DIAPH2: variants seen among roughly 807,000 people sequenced by gnomAD.
The protein encoded by DIAPH2 is diaphanous related formin 2, also known as protein diaphanous homolog 2.
DIAPH2 carries 35 observed loss-of-function variants against 92.7 expected under a neutral mutation model. The ratio of observed to expected loss-of-function variants is 0.38; its 90% CI spans 0.29 to 0.50. DIAPH2 has a LOEUF of 0.50. Ranked by LOEUF, DIAPH2 falls within the 20% of genes least tolerant of loss-of-function variation. The probability of loss-of-function intolerance (pLI) is 0.94; values close to 1 mark genes in which losing one functional copy is unlikely to be tolerated. For missense variants in DIAPH2, 701 were observed against 819.5 expected, an observed-to-expected ratio of 0.86 and a Z score of 1.77; for synonymous variants, 301 against 280.4, an observed-to-expected ratio of 1.07 and a Z score of -0.73.
intron 23 of DIAPH2, among the ~76,000 whole-genome samples, chrX:97,308,965 C>T (rs1351624790): frequency 1.9e-5 from 2 of 105,860 alleles, no homozygotes; most frequent in Non-Finnish European, 3.9e-5. Flanking sequence ...TTGTAGTGAG[C>T]TGAGATCGTG....
At chrX:97,567,871 G>A (rs1371721821) in intron 26 of DIAPH2, among the ~76,000 whole-genome samples, 1 of 109,898 alleles carries the variant, frequency 9.1e-6, no homozygotes, top group Non-Finnish European at 1.9e-5. Context: ...AGAGTGGTTG[G>A]AGGGAGGCCG....
rs992273887 is a variant in DIAPH2, at chrX:97,447,225, C to T, written c.3241+17480C>T. On this transcript the variant is annotated intron_variant, in intron 26 of 26. Coordinates refer to ENST00000324765, the MANE Select transcript of DIAPH2 (RefSeq NM_006729.5). Reference sequence around the variant, plus strand: ...CTTTCCACTAAGCTGCTAAATCTTTCGCTGAGGAATTAAATGTAATGTTTC... The same window carrying T: ...CTTTCCACTAAGCTGCTAAATCTTTTGCTGAGGAATTAAATGTAATGTTTC... Among the ~76,000 whole-genome samples the T allele has an allele frequency of 2.7e-5, 3 of 109,119 alleles. No homozygotes were observed. The South Asian group carries it at 1.2e-3, about 43-fold the overall frequency. The allele number at this position is 109,119 out of a possible 115,157, so 94.8% of individuals were successfully genotyped here. A position where few individuals can be genotyped will look rare whatever the true frequency, so the allele number is the denominator to read the frequency against.
intron 22 of DIAPH2, among the ~76,000 whole-genome samples, chrX:97,185,473 A>ATGTGTGTG (rs2067590694): frequency 1.3e-4 from 2 of 15,206 alleles, no homozygotes; most frequent in Admixed American, 1.5e-3. Flanking sequence ...ATATATATAC[A>ATGTGTGTG]CATATATATA....
intron 4 of DIAPH2, among the ~76,000 whole-genome samples, chrX:96,839,291 T>C (rs1381006131): frequency 1.8e-5 from 2 of 111,094 alleles, no homozygotes; most frequent in African/African-American, 6.5e-5. Context: ...GCCTATACCA[T>C]TCCCCCCATT....
intron 17 of DIAPH2, among the ~76,000 whole-genome samples, chrX:97,064,901 G>T (rs184070023): frequency 9.0e-6 from 1 of 110,983 alleles, no homozygotes; most frequent in East Asian, 2.8e-4. Flanking sequence ...ATATTTCAGG[G>T]TGTTACTTTG....
chrX:96,925,804 C>G (rs1237829752), intron 9 of DIAPH2, among the ~76,000 whole-genome samples: 1 of 111,552 alleles, frequency 9.0e-6, no homozygotes, highest in East Asian at 2.8e-4. Flanking sequence ...TGTTTTTAGT[C>G]TAGTCATATT....
intron 1 of DIAPH2, among the ~76,000 whole-genome samples, chrX:96,727,907 A>G (rs142956729): frequency 0.2 from 21,110 of 107,979 alleles, 1,610 homozygotes; most frequent in East Asian, 0.32. Flanking sequence ...TTAGCCGGGC[A>G]TGATGGCGGG....
intron 22 of DIAPH2, among the ~76,000 whole-genome samples, chrX:97,185,401 A>ATATATG (rs2067582010): frequency 3.2e-5 from 2 of 62,440 alleles, no homozygotes; most frequent in Non-Finnish European, 5.2e-5. Flanking sequence ...ATGTGTATAT[A>ATATATG]TATATATATG....
intron 17 of DIAPH2, among the ~76,000 whole-genome samples, chrX:97,067,014 A>G (rs2066638301): frequency 9.0e-6 from 1 of 111,560 alleles, no homozygotes; most frequent in African/African-American, 3.3e-5. Flanking sequence ...AATGAAATCT[A>G]CCTTTCTGTG....
At chrX:96,827,444 A>C (rs1483712168) in intron 4 of DIAPH2, among the ~76,000 whole-genome samples, 2 of 111,699 alleles carry the variant, frequency 1.8e-5, no homozygotes, top group African/African-American at 6.5e-5. Context: ...TATAGCTATT[A>C]AACCATAGTC....
intron 4 of DIAPH2, among the ~76,000 whole-genome samples, chrX:96,806,619 C>CT (rs1392871211): frequency 2.6e-5 from 2 of 77,184 alleles, no homozygotes; most frequent in Non-Finnish European, 4.5e-5. Context: ...GCACTCCAGC[C>CT]TGGGCAACAG....
At chrX:96,888,201 C>T (rs1315313898) in intron 5 of DIAPH2, among the ~76,000 whole-genome samples, 3 of 109,493 alleles carry the variant, frequency 2.7e-5, no homozygotes, top group Non-Finnish European at 5.7e-5. Context: ...GCTGGGATTA[C>T]AGGTGCCCGC....
intron 22 of DIAPH2, among the ~76,000 whole-genome samples, chrX:97,216,584 G>A (rs754316188): frequency 9.0e-6 from 1 of 110,831 alleles, no homozygotes; most frequent in African/African-American, 3.3e-5. Flanking sequence ...GAGATTACAG[G>A]CATGAGCCAC....
intron 24 of DIAPH2, among the ~76,000 whole-genome samples, chrX:97,355,231 T>G (rs927956697): frequency 9.0e-6 from 1 of 111,553 alleles, no homozygotes; most frequent in African/African-American, 3.3e-5. Context: ...CTGCATTTAG[T>G]TAGGCTTGAA....
intron 23 of DIAPH2, among the ~76,000 whole-genome samples, chrX:97,278,194 A>G (rs1325960204): frequency 3.6e-5 from 4 of 112,362 alleles, no homozygotes; most frequent in Non-Finnish European, 7.5e-5. Context: ...TTTAATTTTT[A>G]GAGAAGTTTT....
chrX:97,324,472 A>G (rs1346635024), intron 23 of DIAPH2, among the ~76,000 whole-genome samples: 2 of 112,448 alleles, frequency 1.8e-5, no homozygotes, highest in Admixed American at 1.9e-4. Flanking sequence ...GTACATTTTT[A>G]AAATCTATCT....
At chrX:97,312,325 C>T (rs1250465917) in intron 23 of DIAPH2, among the ~76,000 whole-genome samples, 2 of 97,539 alleles carry the variant, frequency 2.1e-5, no homozygotes, top group Non-Finnish European at 4.1e-5. Context: ...AATATTTGAT[C>T]ACTTTTGATC....
chrX:96,812,868 G>T (rs1229859793), intron 4 of DIAPH2, among the ~76,000 whole-genome samples: 1 of 112,043 alleles, frequency 8.9e-6, no homozygotes, highest in Non-Finnish European at 1.9e-5. Flanking sequence ...TAATTTGATT[G>T]CACTGTGGTC....
chrX:97,312,345 C>CTT (rs56309139), intron 23 of DIAPH2, among the ~76,000 whole-genome samples: 4 of 54,939 alleles, frequency 7.3e-5, no homozygotes, highest in Non-Finnish European at 1.2e-4. Flanking sequence ...CAATAGAATC[C>CTT]TTTTTTTTTT....
Sources: allele counts gnomAD v4.1 joint callset (sites outside exome capture counted in the v4.1 genomes callset), GRCh38; gene constraint gnomAD v4.1.1; transcripts MANE v1.5; gene names NCBI Gene and HGNC (gene_info 2026-07-23, HGNC 2026-07-21).